The following MAP4K3 variants were observed in gnomAD, a reference collection of about 807,000 sequenced individuals.
MAP4K3 encodes MAPK/ERK kinase kinase kinase 3.
MAP4K3 carries 94 observed loss-of-function variants against 143.5 expected under a neutral mutation model. The ratio of observed to expected loss-of-function variants is 0.65; its 90% CI spans 0.55 to 0.78. The LOEUF (loss-of-function observed/expected upper bound fraction) is 0.78, where lower values mean the gene tolerates loss of function less well. MAP4K3 is among the 30% of genes least tolerant of loss of function. The pLI is 0.00. For synonymous variants in MAP4K3, 416 were observed against 347.2 expected (o/e 1.20, Z -2.20); for missense variants, 1,077 against 1,068.1 (o/e 1.01, Z -0.12).
chr2:39,348,336 T>G lies in MAP4K3; in HGVS notation c.246-4884A>C, dbSNP rs115753732. Among the ~76,000 whole-genome samples, 1,019 of 152,150 alleles carry G rather than the reference T, an allele frequency of 6.7e-3. 15 individuals are homozygous for G. The highest frequency in any genetic ancestry group is 0.023 in the African/African-American group (970 of 41,548). On this transcript the variant is annotated intron_variant, in intron 3 of 33. Coordinates refer to ENST00000263881, the MANE Select transcript of MAP4K3 (RefSeq NM_003618.4). The stretch of plus-strand genomic sequence containing the variant: ...CTATGTAAAATGACTTTCCAGCTTA[T>G]AGGCAGAAAAAAAAATCACGACTAT...
chr2:39,423,718 A>T (rs756799867), intron 1 of MAP4K3, among the ~76,000 whole-genome samples: 1 of 152,230 alleles, frequency 6.6e-6, no homozygotes, highest in Non-Finnish European at 1.5e-5. Flanking sequence ...AAAAGACAAA[A>T]CTATAGAGAC....
chr2:39,309,341 G>A (rs533386194), intron 14 of MAP4K3, 120 bp downstream of exon 14: 5 of 686,828 alleles, frequency 7.3e-6, no homozygotes, highest in African/African-American at 5.7e-5. Flanking sequence ...ACCAGGCTGG[G>A]ACCTCGAATG....
At chr2:39,350,564 G>A (rs933222072) in intron 3 of MAP4K3, among the ~76,000 whole-genome samples, 22 of 151,966 alleles carry the variant, frequency 1.4e-4, no homozygotes, top group Non-Finnish European at 1.9e-4. Flanking sequence ...AATGTATTTC[G>A]AGTTAAGATC....
intron 3 of MAP4K3, among the ~76,000 whole-genome samples, chr2:39,350,557 G>A (rs986784645): frequency 5.3e-5 from 8 of 152,132 alleles, no homozygotes; most frequent in Admixed American, 4.6e-4. Flanking sequence ...ATTCATAAAT[G>A]TATTTCGAGT....
chr2:39,291,185 T>C (rs1682031658), intron 18 of MAP4K3, among the ~76,000 whole-genome samples: 1 of 152,218 alleles, frequency 6.6e-6, no homozygotes, highest in South Asian at 2.1e-4. Flanking sequence ...GATATGCTAA[T>C]TACCCTGATC....
At chr2:39,391,378 A>AAAAC (rs1553423384) in intron 1 of MAP4K3, among the ~76,000 whole-genome samples, 5 of 146,922 alleles carry the variant, frequency 3.4e-5, no homozygotes, top group Non-Finnish European at 7.4e-5. Context: ...AAAAAAAAAA[A>AAAAC]AAAGAAAGAA....
At chr2:39,419,414 T>C (rs1667486219) in intron 1 of MAP4K3, among the ~76,000 whole-genome samples, 1 of 152,200 alleles carries the variant, frequency 6.6e-6, no homozygotes. Flanking sequence ...ATAAAAGCAG[T>C]ATTACCTTAT....
intron 1 of MAP4K3, among the ~76,000 whole-genome samples, chr2:39,383,423 C>CT (rs1553422027): frequency 6.6e-6 from 1 of 151,544 alleles, no homozygotes; most frequent in African/African-American, 2.4e-5. Context: ...CAATTACCTC[C>CT]ACCAGGTTCC....
chr2:39,299,269 C>T (rs547428954), intron 16 of MAP4K3, among the ~76,000 whole-genome samples: 12 of 152,092 alleles, frequency 7.9e-5, no homozygotes, highest in Non-Finnish European at 1.3e-4. Flanking sequence ...TTATTTACTG[C>T]ATAGATTGGT....
At chr2:39,264,462 G>A (rs1455634017) in intron 28 of MAP4K3, among the ~76,000 whole-genome samples, 2 of 152,154 alleles carry the variant, frequency 1.3e-5, no homozygotes, top group Non-Finnish European at 2.9e-5. Context: ...TTAAACAACA[G>A]GGAGTCAATA....
chr2:39,416,393 C>T (rs556064178), intron 1 of MAP4K3, among the ~76,000 whole-genome samples: 1 of 152,156 alleles, frequency 6.6e-6, no homozygotes, highest in South Asian at 2.1e-4. Context: ...CAATTCTGAC[C>T]CACTCCTTTC....
intron 1 of MAP4K3, among the ~76,000 whole-genome samples, chr2:39,416,371 C>G (rs1034981400): frequency 6.6e-6 from 1 of 152,102 alleles, no homozygotes; most frequent in Non-Finnish European, 1.5e-5. Flanking sequence ...AATAAAACGC[C>G]TTTGCTAACT....
chr2:39,361,110 A>C (rs1235454741), intron 2 of MAP4K3, among the ~76,000 whole-genome samples: 1 of 152,084 alleles, frequency 6.6e-6, no homozygotes, highest in Non-Finnish European at 1.5e-5. Flanking sequence ...ACAACTTACT[A>C]GTTGTATCAT....
At chr2:39,352,848 T>A (rs1466353493) in intron 3 of MAP4K3, among the ~76,000 whole-genome samples, 1 of 152,200 alleles carries the variant, frequency 6.6e-6, no homozygotes, top group East Asian at 1.9e-4. Context: ...ATGGTCAAAC[T>A]ACATTTGCTC....
intron 1 of MAP4K3, among the ~76,000 whole-genome samples, chr2:39,418,499 G>A (rs1009907854): frequency 2.6e-5 from 4 of 152,108 alleles, no homozygotes; most frequent in Admixed American, 6.5e-5. Context: ...TGAGTGTGGC[G>A]CTGTGTTTAG....
At chr2:39,360,202 G>C (rs771710795) in intron 2 of MAP4K3, among the ~76,000 whole-genome samples, 2 of 152,116 alleles carry the variant, frequency 1.3e-5, no homozygotes, top group African/African-American at 4.8e-5. Flanking sequence ...AGATCTCTAG[G>C]GCAGGGGCAA....
At chr2:39,339,803 A>T (rs1037371469) in intron 4 of MAP4K3, among the ~76,000 whole-genome samples, 29 of 152,142 alleles carry the variant, frequency 1.9e-4, no homozygotes, top group Non-Finnish European at 4.1e-4. Flanking sequence ...GGATCCCAGA[A>T]AAAAAACAAC....
intron 13 of MAP4K3, 68 bp downstream of exon 13, chr2:39,315,242 A>G (rs1486727671): frequency 2.3e-5 from 26 of 1,141,964 alleles, no homozygotes; most frequent in Non-Finnish European, 3.1e-5. Flanking sequence ...TAAAACAAAA[A>G]TAACTGTAAC....
chr2:39,401,569 G>A (rs752887954), intron 1 of MAP4K3, among the ~76,000 whole-genome samples: 5 of 152,116 alleles, frequency 3.3e-5, no homozygotes, highest in Non-Finnish European at 7.4e-5. Context: ...GGAGGCCCAG[G>A]CAAGTGGAGC....
Sources: gnomAD v4.1 joint callset for allele counts (sites outside exome capture counted in the v4.1 genomes callset) on GRCh38, gnomAD v4.1.1 for gene constraint, MANE v1.5 for transcripts, NCBI Gene and HGNC (gene_info 2026-07-23, HGNC 2026-07-21) for gene names.